Variants in STX1A observed in about 807,000 individuals in gnomAD.
The protein encoded by STX1A is syntaxin 1A, also known as syntaxin-1A.
STX1A carries 4 observed loss-of-function variants against 37.8 expected under a neutral mutation model. The observed-to-expected ratio is 0.11, with a 90% CI of 0.05 to 0.24. The LOEUF (loss-of-function observed/expected upper bound fraction) is 0.24, where lower values mean the gene tolerates loss of function less well. Among genes scored for constraint, STX1A ranks in the 10% least tolerant of loss-of-function variants. The probability of loss-of-function intolerance (pLI) is 1.00; values close to 1 mark genes in which losing one functional copy is unlikely to be tolerated. For missense variants in STX1A, 251 were observed against 399.9 expected (o/e 0.63, Z 3.18); for synonymous variants, 135 against 147.4 (o/e 0.92, Z 0.61).
rs1554616683 is a variant in STX1A, at chr7:73,705,242, G to A, written c.209-18C>T. ...CTTCGTCTCTGGGGAGGTAGAAAGG[G>A]TGGGGGTAGGCCTCCTAGGCTCCGC... On this transcript the variant is annotated intron_variant, in intron 3 of 9. Transcript: ENST00000222812. This position sits in a 1 kb window ranked among gnomAD's most constrained non-coding sequence, Gnocchi z 5.2. 1.2e-6 allele frequency: 2 copies of A among 1,611,530 alleles called. No individual in the cohort carries two copies. Among genetic ancestry groups the A allele is most frequent in the African/African-American group, 2.7e-5 (2 of 74,874 alleles).
rs1798841290 is a variant in STX1A at position 73,705,617 on chromosome 7, T to G, written c.209-393A>C. On this transcript the variant is annotated intron_variant, in intron 3 of 9. Transcript: ENST00000222812. This position sits in a 1 kb window ranked among gnomAD's most constrained non-coding sequence, Gnocchi z 5.2. ...GGGGGGGCGGTGTGGGCTCACCTGG[T>G]GTTACCTGGTGGCTCAGGAGGGTAC... is the stretch of plus-strand genomic sequence containing the variant. 4.0e-6 allele frequency: 1 copy of G among 248,224 alleles called. No homozygotes were observed. Among genetic ancestry groups the G allele is most frequent in the African/African-American group, 2.3e-5 (1 of 44,120 alleles). 15.4% of individuals were successfully genotyped at this position (248,224 alleles called of 1,614,324 possible). A position where few individuals can be genotyped will look rare whatever the true frequency, so the allele number is the denominator to read the frequency against.
chr7:73,700,582 C>T lies in STX1A; in HGVS notation c.790-98G>A, dbSNP rs1286287434. On this transcript the variant is annotated intron_variant, in intron 9 of 9. Transcript: ENST00000222812. The surrounding 1 kb of genome is among the most constrained non-coding windows in gnomAD (Gnocchi z 4.4). ...GAGGACTGGACAGTCGGGGGGGATC[C>T]AAGCAGGGGAAGGTGACGGCCTGGG... is the stretch of plus-strand genomic sequence containing the variant. 6.6e-7 allele frequency: 1 copy of T among 1,517,804 alleles called. No homozygotes were observed. The highest frequency in any genetic ancestry group is 1.9e-5 in the Admixed American group (1 of 52,408). 94.0% of individuals were successfully genotyped at this position (1,517,804 alleles called of 1,614,324 possible). A position where few individuals can be genotyped will look rare whatever the true frequency, so the allele number is the denominator to read the frequency against.
intron 1 of STX1A, among the ~76,000 whole-genome samples, chr7:73,710,912 A>C (rs782360591): frequency 4.6e-5 from 7 of 152,208 alleles, no homozygotes; most frequent in Non-Finnish European, 8.8e-5. Flanking sequence ...AAATGGGGAC[A>C]GTGACACCTG....
rs782474048 is a variant in STX1A at position 73,709,090 on chromosome 7, A to T, written c.63T>A (p.Ala21=). ...TGAAGCGGTCTCGGTCCACGGTGAC[A>T]GCGACATCATCATCATCATCGCTGT... ...AKDSDDDDDV[A]VTVDRDRFMD... Residue 21 remains alanine (A), a synonymous_variant, in exon 2 of 10, where the codon GCT becomes GCA. Transcript: ENST00000222812. This position sits in a 1 kb window ranked among gnomAD's most constrained non-coding sequence, Gnocchi z 4.2. 3 of 1,613,986 alleles carry T rather than the reference A, an allele frequency of 1.9e-6. No homozygotes were observed. Among genetic ancestry groups the T allele is most frequent in the Non-Finnish European group, 2.5e-6 (3 of 1,179,996 alleles).
Position 73,717,395 on chromosome 7 carries a change from T to C in STX1A, c.30+2207A>G, listed in dbSNP as rs1329956784. On this transcript the variant is annotated intron_variant, in intron 1 of 9. Coordinates refer to ENST00000222812, the MANE Select transcript of STX1A (RefSeq NM_004603.4). The surrounding 1 kb of genome is among the most constrained non-coding windows in gnomAD (Gnocchi z 4.1). ...GCTGAAAATTCTGACTCCTGGGGCT[T>C]CAGGCCTCCTACAAATGTGGAGCTG... Among the ~76,000 whole-genome samples, 3 of 152,164 alleles carry C rather than the reference T, an allele frequency of 2.0e-5. No individual in the cohort carries two copies. The highest frequency in any genetic ancestry group is 7.2e-5 in the African/African-American group (3 of 41,444).
rs1554615431 is a variant in STX1A, at chr7:73,699,304, T to C, written c.*1103A>G. 6.5e-6 allele frequency: 1 copy of C among 152,688 alleles called. No homozygotes were observed. The highest frequency in any genetic ancestry group is 1.5e-5 in the Non-Finnish European group (1 of 68,068). The allele number at this position is 152,688 out of a possible 1,614,324, so 9.5% of individuals were successfully genotyped here. A position where few individuals can be genotyped will look rare whatever the true frequency, so the allele number is the denominator to read the frequency against. ...GTGAAGGGGTTGGGGGGAATCGCTG[T>C]TCAAGAAGGCAACACGGACAGTGGT... On this transcript the variant is annotated 3_prime_UTR_variant, in exon 10 of 10. Transcript: ENST00000222812.
intron 1 of STX1A, among the ~76,000 whole-genome samples, chr7:73,714,309 T>C (rs1302205954): frequency 7.9e-5 from 12 of 152,068 alleles, no homozygotes; most frequent in African/African-American, 2.7e-4. Flanking sequence ...GGTTTCACCA[T>C]GTTGGCCAGG....
chr7:73,719,524 G>C (rs1799420450), intron 1 of STX1A, 78 bp downstream of exon 1: 1 of 1,174,602 alleles, frequency 8.5e-7, no homozygotes, highest in South Asian at 4.2e-5. Flanking sequence ...TCCTGGCCGC[G>C]GGAGCCGGGC....
chr7:73,701,574 C>T (rs1484820927), intron 8 of STX1A, among the ~76,000 whole-genome samples: 2 of 152,012 alleles, frequency 1.3e-5, no homozygotes, highest in Non-Finnish European at 2.9e-5. Context: ...GCCCACAGCC[C>T]TTTTGAGCCC....
Position 73,709,099 on chromosome 7 carries a change from A to G in STX1A, c.54T>C (p.Asp18=). 6.2e-7 allele frequency: 1 copy of G among 1,613,854 alleles called. No individual in the cohort carries two copies. Among genetic ancestry groups the G allele is most frequent in the Non-Finnish European group, 8.5e-7 (1 of 1,180,004 alleles). The change falls in exon 2 of 10, where the codon GAT becomes GAC. Residue 18 remains aspartate, a synonymous_variant. Transcript: ENST00000222812. This position sits in a 1 kb window ranked among gnomAD's most constrained non-coding sequence, Gnocchi z 4.2. The stretch of plus-strand genomic sequence containing the variant: ...CTCGGTCCACGGTGACAGCGACATC[A>G]TCATCATCATCGCTGTCCTTGGCCT... ...LRTAKDSDDD[D]DVAVTVDRDR...
chr7:73,716,333 G>A (rs372543781), intron 1 of STX1A, among the ~76,000 whole-genome samples: 12 of 152,224 alleles, frequency 7.9e-5, no homozygotes, highest in African/African-American at 2.4e-4. Flanking sequence ...GAACCTGCCC[G>A]GTGTTGCCAC....
chr7:73,708,813 T>G (rs1798985691), intron 2 of STX1A, 125 bp from the exon 3 acceptor site: 1 of 1,012,452 alleles, frequency 9.9e-7, no homozygotes, highest in Non-Finnish European at 1.5e-6. Flanking sequence ...CTCCGGGTGC[T>G]GGGGTGCAGT....
At chr7:73,703,962 C>A in intron 6 of STX1A, 134 bp from the exon 7 acceptor site, 1 of 1,062,352 alleles carries the variant, frequency 9.4e-7, no homozygotes, top group Non-Finnish European at 1.3e-6. Context: ...GGCCCCGCCC[C>A]CCCGGCCCTT....
Position 73,700,602 on chromosome 7 carries a change from C to A in STX1A, c.790-118G>T. 1 of 1,504,212 alleles carries A rather than the reference C, an allele frequency of 6.6e-7. No individual in the cohort carries two copies. Among genetic ancestry groups the A allele is most frequent in the Non-Finnish European group, 9.1e-7 (1 of 1,104,736 alleles). 93.2% of individuals were successfully genotyped at this position (1,504,212 alleles called of 1,614,324 possible). On this transcript the variant is annotated intron_variant, in intron 9 of 9. Coordinates refer to ENST00000222812, the MANE Select transcript of STX1A (RefSeq NM_004603.4). The surrounding 1 kb of genome is among the most constrained non-coding windows in gnomAD (Gnocchi z 4.4). Reference sequence around the variant, plus strand: ...GGATCCAAGCAGGGGAAGGTGACGGCCTGGGAGGGGGCTGTCATGGGGAGC... The same window carrying A: ...GGATCCAAGCAGGGGAAGGTGACGGACTGGGAGGGGGCTGTCATGGGGAGC...
chr7:73,700,134 C>A lies in STX1A; in HGVS notation c.*273G>T. On this transcript the variant is annotated 3_prime_UTR_variant, in exon 10 of 10. Transcript: ENST00000222812. The surrounding 1 kb of genome is among the most constrained non-coding windows in gnomAD (Gnocchi z 4.4). ...GGGTGGCCTGTGTCACCCTGGCGGC[C>A]CTGCCTGGGTCTGCTCCTCGCTGTG... is the stretch of plus-strand genomic sequence containing the variant. 1.9e-6 allele frequency: 1 copy of A among 529,066 alleles called. No individual in the cohort carries two copies. The allele number at this position is 529,066 out of a possible 1,614,324, so 32.8% of individuals were successfully genotyped here.
intron 1 of STX1A, among the ~76,000 whole-genome samples, chr7:73,711,570 C>T (rs782212003): frequency 6.6e-6 from 1 of 152,042 alleles, no homozygotes; most frequent in African/African-American, 2.4e-5. Flanking sequence ...GCTTTTAGAC[C>T]GTGACAGGCC....
At position 73,719,639 on chromosome 7, in the gene STX1A, G is replaced by T; in HGVS notation, c.-8C>A. On this transcript the variant is annotated 5_prime_UTR_variant, in exon 1 of 10. Transcript: ENST00000222812. ...CTGGGTTCGGTCCTTCATGCTCCCG[G>T]GAGTGGCAGCGGCGCCGGCTGCAGC... 8.4e-7 allele frequency: 1 copy of T among 1,196,814 alleles called. No individual in the cohort carries two copies. The highest frequency in any genetic ancestry group is 1.0e-6 in the Non-Finnish European group (1 of 960,464). The allele number at this position is 1,196,814 out of a possible 1,614,324, so 74.1% of individuals were successfully genotyped here. A position where few individuals can be genotyped will look rare whatever the true frequency, so the allele number is the denominator to read the frequency against.
At chr7:73,707,511 G>A (rs564547780) in intron 3 of STX1A, among the ~76,000 whole-genome samples, 23 of 152,302 alleles carry the variant, frequency 1.5e-4, no homozygotes, top group African/African-American at 5.5e-4. Flanking sequence ...GGGCGGGGCT[G>A]GACCGAGAGG....
In STX1A at chr7:73,717,843, A is replaced by C. The variant is rs186078825; in HGVS notation, c.30+1759T>G. Among the ~76,000 whole-genome samples the C allele has an allele frequency of 6.6e-6, 1 of 152,144 alleles. No homozygotes were observed. The highest frequency in any genetic ancestry group is 1.5e-5 in the Non-Finnish European group (1 of 68,006). On this transcript the variant is annotated intron_variant, in intron 1 of 9. Coordinates refer to ENST00000222812, the MANE Select transcript of STX1A (RefSeq NM_004603.4). The surrounding 1 kb of genome is among the most constrained non-coding windows in gnomAD (Gnocchi z 4.1). ...ACCCCAGCTCCACTGGCTGTCCCCC[A>C]GTGTCAGCCAGGCCTGAGTCTGACT...
Sources: gnomAD v4.1 joint callset for allele counts (sites outside exome capture counted in the v4.1 genomes callset) on GRCh38, gnomAD v4.1.1 for gene constraint, Gnocchi (gnomAD v3.1) non-coding constraint, MANE v1.5 for transcripts, NCBI Gene and HGNC (gene_info 2026-07-23, HGNC 2026-07-21) for gene names.